Variants in FAM135A observed in about 807,000 individuals in gnomAD.
The protein encoded by FAM135A is protein FAM135A.
Under a neutral mutation model 146.8 loss-of-function variants are expected in FAM135A, and 79 were observed. That is an observed-to-expected ratio of 0.54 (90% CI 0.45 to 0.65). The LOEUF is 0.65. FAM135A is among the 30% of genes least tolerant of loss of function. FAM135A has a pLI of 0.00. For missense variants in FAM135A, 1,623 were observed against 1,758.2 expected, an observed-to-expected ratio of 0.92 and a Z score of 1.38; for synonymous variants, 562 against 603.6, an observed-to-expected ratio of 0.93 and a Z score of 1.01.
At chr6:70,491,502 A>C (rs1785970887) in intron 11 of FAM135A, among the ~76,000 whole-genome samples, 1 of 151,902 alleles carries the variant, frequency 6.6e-6, no homozygotes, top group African/African-American at 2.4e-5. Flanking sequence ...AATTGAATAT[A>C]TTTGCCTTTC....
At chr6:70,543,107 A>G (rs1798233314) in intron 20 of FAM135A, among the ~76,000 whole-genome samples, 1 of 152,226 alleles carries the variant, frequency 6.6e-6, no homozygotes, top group African/African-American at 2.4e-5. Context: ...GAATTAACAA[A>G]TGAATCAATG....
chr6:70,556,722 A>C, intron 20 of FAM135A, 28 bp from the exon 21 acceptor site: 1 of 1,428,432 alleles, frequency 7.0e-7, no homozygotes, highest in South Asian at 1.3e-5. Context: ...TAACTACTGC[A>C]TTATAATTTA....
intron 11 of FAM135A, 22 bp downstream of exon 11, chr6:70,491,105 A>T: frequency 1.9e-6 from 3 of 1,577,134 alleles, no homozygotes; most frequent in Non-Finnish European, 2.6e-6. Flanking sequence ...TTTTAAATTC[A>T]CATCATCAAG....
intron 7 of FAM135A, among the ~76,000 whole-genome samples, chr6:70,476,856 G>T (rs1438515516): frequency 6.6e-6 from 1 of 151,930 alleles, no homozygotes; most frequent in African/African-American, 2.4e-5. Context: ...TCTCTATGGG[G>T]TAAAATTTTA....
rs568272115 is a variant in FAM135A, at chr6:70,414,524, C to A, written c.-219-767C>A. ...CAAAACTCTTCCACCCTCCCCCCCC[C>A]ATTTGTATAAGTCAAGCCTCTTAAC... On this transcript the variant is annotated intron_variant, in intron 1 of 21. Coordinates refer to ENST00000418814, the MANE Select transcript of FAM135A (RefSeq NM_001162529.3). Among the ~76,000 whole-genome samples the A allele has an allele frequency of 1.5e-3, 230 of 151,350 alleles. 1 individual carries two copies. In the Middle Eastern group the frequency reaches 0.041, roughly 27 times the overall value.
intron 20 of FAM135A, among the ~76,000 whole-genome samples, chr6:70,552,465 CTTTTTT>C (rs35509125): frequency 1.0e-5 from 1 of 96,832 alleles, no homozygotes; most frequent in Non-Finnish European, 2.0e-5. Flanking sequence ...GTTGAAGATT[CTTTTTT>C]TTTTTTTTTT....
At chr6:70,450,411 A>G (rs1776763818) in intron 4 of FAM135A, among the ~76,000 whole-genome samples, 1 of 152,140 alleles carries the variant, frequency 6.6e-6, no homozygotes, top group African/African-American at 2.4e-5. Context: ...GGTCTTATAT[A>G]TAAATCTTTA....
At chr6:70,502,123 G>A (rs931584579) in intron 11 of FAM135A, among the ~76,000 whole-genome samples, 7 of 152,282 alleles carry the variant, frequency 4.6e-5, no homozygotes, top group Middle Eastern at 3.4e-3. Flanking sequence ...ACTCACAAGT[G>A]AAGTAGAATC....
At chr6:70,528,509 G>C in intron 16 of FAM135A, 57 bp downstream of exon 16, 1 of 1,372,062 alleles carries the variant, frequency 7.3e-7, no homozygotes, top group Non-Finnish European at 9.5e-7. Flanking sequence ...TTTCCTAATA[G>C]ATCTCATTTA....
At chr6:70,522,841 G>A (rs1793914766) in intron 13 of FAM135A, among the ~76,000 whole-genome samples, 1 of 151,964 alleles carries the variant, frequency 6.6e-6, no homozygotes, top group Non-Finnish European at 1.5e-5. Flanking sequence ...CCATAATCTT[G>A]GTAGTCTCAT....
At chr6:70,444,139 T>G (rs145997526) in intron 4 of FAM135A, among the ~76,000 whole-genome samples, 35 of 152,318 alleles carry the variant, frequency 2.3e-4, no homozygotes, top group Non-Finnish European at 4.6e-4. Flanking sequence ...GTGCGGTGGC[T>G]CACGCCTGTA....
intron 5 of FAM135A, among the ~76,000 whole-genome samples, chr6:70,475,133 G>T (rs1782378619): frequency 1.3e-5 from 2 of 152,184 alleles, no homozygotes; most frequent in African/African-American, 4.8e-5. Context: ...GTGGTATACA[G>T]ATCAGTTGTT....
intron 20 of FAM135A, among the ~76,000 whole-genome samples, chr6:70,551,272 A>G (rs756778780): frequency 6.6e-6 from 1 of 152,152 alleles, no homozygotes; most frequent in Non-Finnish European, 1.5e-5. Flanking sequence ...GGCTTTTGAT[A>G]TGCCTTCCTC....
chr6:70,490,372 TGTTA>T (rs1317634359), intron 10 of FAM135A, among the ~76,000 whole-genome samples: 2 of 152,206 alleles, frequency 1.3e-5, no homozygotes, highest in African/African-American at 4.8e-5. Flanking sequence ...CTTTATATTT[TGTTA>T]GTTTCTGTTT....
At chr6:70,513,212 A>G (rs1218980331) in intron 12 of FAM135A, 1 of 151,786 alleles carries the variant, frequency 6.6e-6, no homozygotes, top group African/African-American at 2.4e-5. Flanking sequence ...AGGTAATAGC[A>G]TAAGTCCTCC....
At chr6:70,477,465 C>T in intron 8 of FAM135A, 133 bp downstream of exon 8, 2 of 926,870 alleles carry the variant, frequency 2.2e-6, no homozygotes, top group Non-Finnish European at 3.1e-6. Context: ...AAGCATGATG[C>T]TGGCATCTGC....
At chr6:70,449,962 G>C (rs909484780) in intron 4 of FAM135A, among the ~76,000 whole-genome samples, 3 of 152,106 alleles carry the variant, frequency 2.0e-5, no homozygotes, top group Non-Finnish European at 4.4e-5. Context: ...CATTCTAACG[G>C]ATGTGGGTGA....
intron 4 of FAM135A, among the ~76,000 whole-genome samples, chr6:70,449,620 A>G (rs775457734): frequency 1.4e-4 from 21 of 152,028 alleles, no homozygotes; most frequent in Non-Finnish European, 2.5e-4. Flanking sequence ...ATTCTGTTGT[A>G]TATATATATA....
chr6:70,504,758 A>G (rs1338034655), intron 12 of FAM135A: 1 of 152,172 alleles, frequency 6.6e-6, no homozygotes, highest in African/African-American at 2.4e-5. Context: ...GGATCACCTG[A>G]GGTCAGGAGT....
Sources: gnomAD v4.1 joint callset for allele counts (sites outside exome capture counted in the v4.1 genomes callset) on GRCh38, gnomAD v4.1.1 for gene constraint, MANE v1.5 for transcripts, NCBI Gene and HGNC (gene_info 2026-07-23, HGNC 2026-07-21) for gene names.